The following SLC7A1 variants were observed in gnomAD, a reference collection of about 807,000 sequenced individuals.
The protein encoded by SLC7A1 is solute carrier family 7 member 1, also known as high affinity cationic amino acid transporter 1.
In SLC7A1, 10 loss-of-function variants were observed where a neutral mutation model predicts 53.9. That is an observed-to-expected ratio of 0.19 (90% CI 0.11 to 0.31). The LOEUF (loss-of-function observed/expected upper bound fraction) is 0.31, where lower values mean the gene tolerates loss of function less well. Among genes scored for constraint, SLC7A1 ranks in the 10% least tolerant of loss-of-function variants. SLC7A1 has a pLI of 1.00. For missense variants in SLC7A1, 525 were observed against 827.2 expected, an observed-to-expected ratio of 0.63 and a Z score of 4.48; for synonymous variants, 342 against 338.7, an observed-to-expected ratio of 1.01 and a Z score of -0.11.
At position 29,517,670 on chromosome 13, in the gene SLC7A1, C is replaced by T. The variant is rs1868415172; in HGVS notation, c.1413G>A (p.Glu471=). ...TGGTTTTCAAAGAGAACATCTCTGC[C>T]TCTGGTAAAAAGCCCAGCTGGGAAT... The part of the protein sequence containing the change: ...TNDSQLGFLP[E]AEMFSLKTIL... The change falls in exon 10 of 13, where the codon GAG becomes GAA. Residue 471 remains glutamate, a synonymous_variant. Coordinates refer to ENST00000380752, the MANE Select transcript of SLC7A1 (RefSeq NM_003045.5). The T allele has an allele frequency of 6.2e-7, 1 of 1,614,208 alleles. No individual in the cohort carries two copies. The highest frequency in any genetic ancestry group is 8.5e-7 in the Non-Finnish European group (1 of 1,180,000).
At position 29,514,404 on chromosome 13, in the gene SLC7A1, G is replaced by T; in HGVS notation, c.*76C>A. ...CAGGTGGTTTCTGTTGCACTGGTGGGGAGGGTGGGGTGCCTCCCGGTCCTC... is the reference window on the plus strand; with the variant it reads ...CAGGTGGTTTCTGTTGCACTGGTGGTGAGGGTGGGGTGCCTCCCGGTCCTC... On this transcript the variant is annotated 3_prime_UTR_variant, in exon 13 of 13. Transcript: ENST00000380752. 2 of 1,039,726 alleles carry T rather than the reference G, an allele frequency of 1.9e-6. No individual in the cohort carries two copies. Among genetic ancestry groups the T allele is most frequent in the Admixed American group, 1.8e-5 (1 of 55,788 alleles). The allele number at this position is 1,039,726 out of a possible 1,614,324, so 64.4% of individuals were successfully genotyped here.
intron 2 of SLC7A1, among the ~76,000 whole-genome samples, chr13:29,551,855 C>A (rs868827482): frequency 2.7e-4 from 41 of 152,264 alleles, no homozygotes; most frequent in Admixed American, 1.8e-3. Flanking sequence ...TTTTACCCAC[C>A]GCCTTTGGGA....
chr13:29,532,477 G>C (rs1869206849), intron 4 of SLC7A1, among the ~76,000 whole-genome samples: 1 of 152,124 alleles, frequency 6.6e-6, no homozygotes, highest in African/African-American at 2.4e-5. Context: ...TTTCCAAATG[G>C]TCATCCACTG....
intron 1 of SLC7A1, among the ~76,000 whole-genome samples, chr13:29,561,811 A>G (rs1401809728): frequency 6.6e-6 from 1 of 152,108 alleles, no homozygotes; most frequent in Non-Finnish European, 1.5e-5. Context: ...GGCCCCACAC[A>G]TGGCACCACC....
chr13:29,533,293 G>A (rs185474576), intron 3 of SLC7A1, among the ~76,000 whole-genome samples: 34 of 152,124 alleles, frequency 2.2e-4, no homozygotes, highest in African/African-American at 8.2e-4. Context: ...CACCTGAGAG[G>A]CACTCTGATA....
intron 3 of SLC7A1, 112 bp downstream of exon 3, chr13:29,535,707 G>T: frequency 9.9e-7 from 1 of 1,009,364 alleles, no homozygotes; most frequent in Non-Finnish European, 1.5e-6. Context: ...TTAATTCTGT[G>T]CCTCTCGTGT....
chr13:29,557,092 A>G (rs1870471472), intron 1 of SLC7A1, among the ~76,000 whole-genome samples: 1 of 152,250 alleles, frequency 6.6e-6, no homozygotes, highest in South Asian at 2.1e-4. Context: ...GAATGTTCCA[A>G]CCAATTTATT....
chr13:29,542,280 C>T (rs1869698011), intron 2 of SLC7A1, among the ~76,000 whole-genome samples: 1 of 152,102 alleles, frequency 6.6e-6, no homozygotes, highest in African/African-American at 2.4e-5. Context: ...CATGGTGAAA[C>T]ACCATCTCTA....
chr13:29,565,185 T>C (rs557866371), intron 1 of SLC7A1, among the ~76,000 whole-genome samples: 1 of 152,370 alleles, frequency 6.6e-6, no homozygotes, highest in South Asian at 2.1e-4. Flanking sequence ...TGTTTCTGTC[T>C]GCCAGTGACT....
At position 29,586,082 on chromosome 13, in the gene SLC7A1, A is replaced by G. The variant is rs78573576; in HGVS notation, c.-115+9334T>C. ...ATCTGGGAACATTAGGAAAAAGACA[A>G]CATCTGATACTCTGATTTCAGTAGA... On this transcript the variant is annotated intron_variant, in intron 1 of 12. Coordinates refer to ENST00000380752, the MANE Select transcript of SLC7A1 (RefSeq NM_003045.5). Among the ~76,000 whole-genome samples, 80 of 152,250 alleles carry G rather than the reference A, an allele frequency of 5.3e-4. No individual in the cohort carries two copies. The East Asian group carries it at 0.013, about 26-fold the overall frequency.
chr13:29,576,292 T>TAAAAAAAAAAAAAAAAAAAAAA (rs146432104), intron 1 of SLC7A1, among the ~76,000 whole-genome samples: 1 of 107,196 alleles, frequency 9.3e-6, no homozygotes, highest in Non-Finnish European at 1.7e-5. Context: ...ATCCTGTTTT[T>TAAAAAAAAAAAAAAAAAAAAAA]TAAAAAAAAA....
intron 4 of SLC7A1, among the ~76,000 whole-genome samples, chr13:29,532,314 C>T (rs1593548176): frequency 6.6e-6 from 1 of 152,216 alleles, no homozygotes; most frequent in East Asian, 1.9e-4. Flanking sequence ...GTAACCACAA[C>T]TCTGTCATGA....
intron 1 of SLC7A1, among the ~76,000 whole-genome samples, chr13:29,589,881 C>A (rs280913): frequency 0.039 from 5,915 of 152,234 alleles, 364 homozygotes; most frequent in African/African-American, 0.13. Context: ...CCATCAGTCA[C>A]ACCAGAAGGG....
At chr13:29,519,921 C>A (rs570637323) in intron 8 of SLC7A1, among the ~76,000 whole-genome samples, 32 of 152,264 alleles carry the variant, frequency 2.1e-4, no homozygotes, top group Middle Eastern at 6.8e-3. Context: ...AGGATGTGAA[C>A]TGGGTTCTTA....
At chr13:29,556,866 G>A (rs1870462182) in intron 1 of SLC7A1, among the ~76,000 whole-genome samples, 2 of 152,182 alleles carry the variant, frequency 1.3e-5, no homozygotes, top group African/African-American at 2.4e-5. Context: ...CAGGAAGAAC[G>A]CTGCTCTCCT....
Position 29,514,111 on chromosome 13 carries a change from C to A in SLC7A1, c.*369G>T. On this transcript the variant is annotated 3_prime_UTR_variant, in exon 13 of 13. Transcript: ENST00000380752. Reference sequence around the variant, plus strand: ...GCACAATTTCAATCCCAGAACAGTCCCCGGGAGGAAGGCCTGGTTCCCAAG... The same window carrying A: ...GCACAATTTCAATCCCAGAACAGTCACCGGGAGGAAGGCCTGGTTCCCAAG... 8.0e-6 allele frequency: 2 copies of A among 249,104 alleles called. No individual in the cohort carries two copies. Among genetic ancestry groups the A allele is most frequent in the Admixed American group, 5.0e-5 (1 of 20,146 alleles). 15.4% of individuals were successfully genotyped at this position (249,104 alleles called of 1,614,324 possible).
intron 1 of SLC7A1, among the ~76,000 whole-genome samples, chr13:29,555,143 G>A (rs528050430): frequency 3.4e-4 from 52 of 151,248 alleles, no homozygotes; most frequent in Non-Finnish European, 6.2e-4. Flanking sequence ...CGGATCACGA[G>A]GTCAGGAGAT....
chr13:29,589,053 C>A (rs1482358845), intron 1 of SLC7A1, among the ~76,000 whole-genome samples: 1 of 152,160 alleles, frequency 6.6e-6, no homozygotes, highest in African/African-American at 2.4e-5. Context: ...GAAGACTCTC[C>A]CAAGTCACTT....
intron 1 of SLC7A1, among the ~76,000 whole-genome samples, chr13:29,572,152 G>A (rs1871222810): frequency 6.6e-6 from 1 of 152,226 alleles, no homozygotes; most frequent in Non-Finnish European, 1.5e-5. Context: ...TGAGGGTGCA[G>A]CGGCCGCCTG....
Sources: allele counts gnomAD v4.1 joint callset (sites outside exome capture counted in the v4.1 genomes callset), GRCh38; gene constraint gnomAD v4.1.1; transcripts MANE v1.5; gene names NCBI Gene and HGNC (gene_info 2026-07-23, HGNC 2026-07-21).